The following PDE6G variants were observed in gnomAD, a reference collection of about 807,000 sequenced individuals.
PDE6G encodes rod cGMP 3',5'-cyclic phosphodiesterase subunit gamma.
A neutral mutation model predicts 10.9 loss-of-function variants in PDE6G; 10 were observed. The ratio of observed to expected loss-of-function variants is 0.91; its 90% confidence interval spans 0.56 to 1.55. PDE6G has a LOEUF of 1.55. Ranked by LOEUF, PDE6G falls within the 40% of genes most tolerant of loss-of-function variation. The probability of loss-of-function intolerance (pLI) is 0.00; values close to 1 mark genes in which losing one functional copy is unlikely to be tolerated. For synonymous variants in PDE6G, 41 were observed against 42.8 expected (o/e 0.96, Z 0.16); for missense variants, 102 against 110.1 (o/e 0.93, Z 0.33).
chr17:81,651,332 G>A lies in PDE6G; in HGVS notation c.188-182C>T, dbSNP rs2036351000. ...TGGCTGTGGGGGAAGGAGGGTGGGTGCAGCAGGTCCAGGGGAGGGAACCAG... is the reference window on the plus strand; with the variant it reads ...TGGCTGTGGGGGAAGGAGGGTGGGTACAGCAGGTCCAGGGGAGGGAACCAG... On this transcript the variant is annotated intron_variant, in intron 3 of 3. Transcript: ENST00000331056. The surrounding 1 kb of genome is among the most constrained non-coding windows in gnomAD (Gnocchi z 4.8). 6.6e-6 allele frequency among the ~76,000 whole-genome samples: 1 copy of A among 152,090 alleles called. No homozygotes were observed. Among genetic ancestry groups the A allele is most frequent in the Non-Finnish European group, 1.5e-5 (1 of 67,994 alleles).
rs553773165 is a variant in PDE6G, at chr17:81,653,383, C to T, written c.-59-19G>A. ...CTGCGGTCTGGGGGCAGACCAGGCC[C>T]GGGTCCCAGTCAGCCCTCCTGCTTC... On this transcript the variant is annotated intron_variant, in intron 1 of 3. Coordinates refer to ENST00000331056, the MANE Select transcript of PDE6G (RefSeq NM_002602.4). The surrounding 1 kb of genome is among the most constrained non-coding windows in gnomAD (Gnocchi z 5.2). 4 of 1,548,952 alleles carry T rather than the reference C, an allele frequency of 2.6e-6. No individual in the cohort carries two copies. Among genetic ancestry groups the T allele is most frequent in the South Asian group, 1.1e-5 (1 of 88,514 alleles).
chr17:81,654,111 C>G (rs564921842), intron 1 of PDE6G, among the ~76,000 whole-genome samples: 60 of 152,120 alleles, frequency 3.9e-4, no homozygotes, highest in Non-Finnish European at 7.4e-4. Flanking sequence ...CCACCGCACC[C>G]GGCCCAGCTG....
chr17:81,655,799 GGCTACTACCA>G (rs1278496723), intron 1 of PDE6G, among the ~76,000 whole-genome samples: 1 of 152,186 alleles, frequency 6.6e-6, no homozygotes, highest in Non-Finnish European at 1.5e-5. Flanking sequence ...TCCAGCCCTG[GGCTACTACCA>G]GCTGTTTGCC....
rs1344617136 is a variant in PDE6G, at chr17:81,653,251, C to T, written c.55G>A (p.Gly19Arg). 2 of 1,614,064 alleles carry T rather than the reference C, an allele frequency of 1.2e-6. No individual in the cohort carries two copies. The highest frequency in any genetic ancestry group is 8.5e-7 in the Non-Finnish European group (1 of 1,179,962). Residue 19 changes from glycine to arginine, a missense_variant, in exon 2 of 4, where the codon GGA (glycine) becomes AGA (arginine). Transcript: ENST00000331056. This position sits in a 1 kb window ranked among gnomAD's most constrained non-coding sequence, Gnocchi z 5.2. ...EFRSATRVAG[G>R]PVTPRKGPPK... The stretch of plus-strand genomic sequence containing the variant: ...GGCCCTTTCCTGGGGGTGACAGGTC[C>T]CCCGGCCACCCTGGTGGCTGACCGG...
At chr17:81,655,095 G>A in intron 1 of PDE6G, among the ~76,000 whole-genome samples, 1 of 152,134 alleles carries the variant, frequency 6.6e-6, no homozygotes. Context: ...ATTGCTTTCT[G>A]CCTCTTGTCT....
At position 81,653,169 on chromosome 17, in the gene PDE6G, CCTTT is replaced by C. The variant is rs1355300430; in HGVS notation, c.133_136del (p.Lys45AlafsTer48). ...CCCCAGCTCTGCTTACCCTTGAACG[CCTTT>C]CTTTGGGGGCTTGCTCTTGAACTGC... is the stretch of plus-strand genomic sequence containing the variant. On this transcript the variant is annotated frameshift_variant, in exon 2 of 4. Coordinates refer to ENST00000331056, the MANE Select transcript of PDE6G (RefSeq NM_002602.4). LOFTEE classifies it high-confidence loss of function. This position sits in a 1 kb window ranked among gnomAD's most constrained non-coding sequence, Gnocchi z 5.2. 6.2e-7 allele frequency: 1 copy of C among 1,613,930 alleles called. No homozygotes were observed. The highest frequency in any genetic ancestry group is 8.5e-7 in the Non-Finnish European group (1 of 1,180,004).
At chr17:81,652,642 C>G (rs2036379248) in intron 2 of PDE6G, among the ~76,000 whole-genome samples, 1 of 151,296 alleles carries the variant, frequency 6.6e-6, no homozygotes, top group Non-Finnish European at 1.5e-5. Context: ...ATGGCGCGAT[C>G]TCAGCTCACC....
Position 81,653,903 on chromosome 17 carries a change from C to G in PDE6G, c.-59-539G>C, listed in dbSNP as rs576166764. 1.3e-5 allele frequency among the ~76,000 whole-genome samples: 2 copies of G among 152,144 alleles called. No homozygotes were observed. Among genetic ancestry groups the G allele is most frequent in the Non-Finnish European group, 2.9e-5 (2 of 68,020 alleles). On this transcript the variant is annotated intron_variant, in intron 1 of 3. Coordinates refer to ENST00000331056, the MANE Select transcript of PDE6G (RefSeq NM_002602.4). This position sits in a 1 kb window ranked among gnomAD's most constrained non-coding sequence, Gnocchi z 5.2. ...TCGGCTCACTGCAACCTCCGCCTCCCGGGTTCAAGTGATTCTCCTGCCTCA... is the reference window on the plus strand; with the variant it reads ...TCGGCTCACTGCAACCTCCGCCTCCGGGGTTCAAGTGATTCTCCTGCCTCA...
intron 2 of PDE6G, among the ~76,000 whole-genome samples, chr17:81,652,436 C>T (rs1245366279): frequency 6.6e-6 from 1 of 151,958 alleles, no homozygotes; most frequent in Admixed American, 6.6e-5. Flanking sequence ...GCCACCACGC[C>T]CGGCTAATTT....
chr17:81,654,664 G>A (rs917754834), intron 1 of PDE6G, among the ~76,000 whole-genome samples: 2 of 151,780 alleles, frequency 1.3e-5, no homozygotes, highest in African/African-American at 2.4e-5. Flanking sequence ...TTACAGGCGT[G>A]AGCCACCGCG....
At chr17:81,655,209 G>A (rs980188742) in intron 1 of PDE6G, among the ~76,000 whole-genome samples, 5 of 152,192 alleles carry the variant, frequency 3.3e-5, no homozygotes, top group African/African-American at 9.6e-5. Flanking sequence ...GATGGAGAAT[G>A]ACCCACAAAA....
chr17:81,662,879 G>C (rs1473762335), intron 1 of PDE6G, among the ~76,000 whole-genome samples: 2 of 152,170 alleles, frequency 1.3e-5, no homozygotes, highest in Non-Finnish European at 2.9e-5. Context: ...CGCGCCTGTA[G>C]TCCCAGCTAC....
chr17:81,655,487 G>A (rs2036433513), intron 1 of PDE6G, among the ~76,000 whole-genome samples: 1 of 152,252 alleles, frequency 6.6e-6, no homozygotes, highest in South Asian at 2.1e-4. Context: ...GACGAGATCA[G>A]TGTCCCTGCA....
chr17:81,650,882 G>A lies in PDE6G; in HGVS notation c.*192C>T, dbSNP rs754665463. ...CAGGGCCTGGCCAGCCCCTGAGGGG[G>A]CATCCTAGAGGGAGGTGGTGGGCTC... On this transcript the variant is annotated 3_prime_UTR_variant, in exon 4 of 4. Transcript: ENST00000331056. 6 of 662,916 alleles carry A rather than the reference G, an allele frequency of 9.1e-6. No individual in the cohort carries two copies. The highest frequency in any genetic ancestry group is 9.0e-5 in the South Asian group (6 of 66,302). The allele number at this position is 662,916 out of a possible 1,614,324, so 41.1% of individuals were successfully genotyped here.
At chr17:81,662,726 C>T (rs2036524858) in intron 1 of PDE6G, among the ~76,000 whole-genome samples, 1 of 152,196 alleles carries the variant, frequency 6.6e-6, no homozygotes, top group African/African-American at 2.4e-5. Flanking sequence ...TGGCCGGGCA[C>T]AGTGGCTCAT....
chr17:81,653,095 C>T lies in PDE6G; in HGVS notation c.146+65G>A. 1.3e-6 allele frequency: 2 copies of T among 1,587,502 alleles called. No homozygotes were observed. The highest frequency in any genetic ancestry group is 1.7e-5 in the Admixed American group (1 of 59,952). Reference sequence around the variant, plus strand: ...GGCCCCAGGCTCTGCCCCGCCCTCCCCTTCCTGTGCAGCCTCAGGACCGCC... The same window carrying T: ...GGCCCCAGGCTCTGCCCCGCCCTCCTCTTCCTGTGCAGCCTCAGGACCGCC... On this transcript the variant is annotated intron_variant, in intron 2 of 3. Coordinates refer to ENST00000331056, the MANE Select transcript of PDE6G (RefSeq NM_002602.4). The surrounding 1 kb of genome is among the most constrained non-coding windows in gnomAD (Gnocchi z 5.2).
chr17:81,661,317 T>C (rs536914171), upstream of PDE6G, among the ~76,000 whole-genome samples: 1 of 152,196 alleles, frequency 6.6e-6, no homozygotes, highest in Admixed American at 6.5e-5. Context: ...GCCTTGGCGG[T>C]TGAGGCTGCA....
rs548285169 is a variant in PDE6G at position 81,650,843 on chromosome 17, C to G, written c.*231G>C. Reference sequence around the variant, plus strand: ...GCAGGACTGAGGGGTGGGCCTGTATCTCCAGATGTTGAGCAGGGCCTGGCC... The same window carrying G: ...GCAGGACTGAGGGGTGGGCCTGTATGTCCAGATGTTGAGCAGGGCCTGGCC... On this transcript the variant is annotated 3_prime_UTR_variant, in exon 4 of 4. Transcript: ENST00000331056. 3.1e-4 allele frequency: 194 copies of G among 621,832 alleles called. No individual in the cohort carries two copies. In the African/African-American group the frequency reaches 3.3e-3, roughly 11 times the overall value. The allele number at this position is 621,832 out of a possible 1,614,324, so 38.5% of individuals were successfully genotyped here.
Position 81,650,824 on chromosome 17 carries a change from C to T in PDE6G, c.*250G>A. On this transcript the variant is annotated 3_prime_UTR_variant, in exon 4 of 4. Coordinates refer to ENST00000331056, the MANE Select transcript of PDE6G (RefSeq NM_002602.4). ...CGACCAAGCCTCTCTGTGGGCAGGA[C>T]TGAGGGGTGGGCCTGTATCTCCAGA... 1 of 591,026 alleles carries T rather than the reference C, an allele frequency of 1.7e-6. No individual in the cohort carries two copies. Among genetic ancestry groups the T allele is most frequent in the South Asian group, 1.5e-5 (1 of 65,636 alleles). The allele number at this position is 591,026 out of a possible 1,614,324, so 36.6% of individuals were successfully genotyped here. A position where few individuals can be genotyped will look rare whatever the true frequency, so the allele number is the denominator to read the frequency against.
Sources: allele counts gnomAD v4.1 joint callset (sites outside exome capture counted in the v4.1 genomes callset), GRCh38; gene constraint gnomAD v4.1.1; non-coding constraint Gnocchi (gnomAD v3.1); transcripts MANE v1.5; gene names NCBI Gene and HGNC (gene_info 2026-07-23, HGNC 2026-07-21).